TMEM52B: variants seen among roughly 807,000 people sequenced by gnomAD.
TMEM52B encodes the protein chromosome 12 open reading frame 59.
Under a neutral mutation model 16.1 loss-of-function variants are expected in TMEM52B, and 11 were observed. The observed-to-expected ratio is 0.68, with a 90% CI of 0.43 to 1.13. The LOEUF is 1.13. Ranked by LOEUF, TMEM52B falls within the 50% of genes most tolerant of loss-of-function variation. TMEM52B has a pLI of 0.00. For synonymous variants in TMEM52B, 101 were observed against 93.8 expected, an observed-to-expected ratio of 1.08 and a Z score of -0.45; for missense variants, 243 against 230.4, an observed-to-expected ratio of 1.05 and a Z score of -0.35.
upstream of TMEM52B, among the ~76,000 whole-genome samples, chr12:10,176,146 T>C (rs1948764108): frequency 6.6e-6 from 1 of 152,242 alleles, no homozygotes; most frequent in African/African-American, 2.4e-5. Context: ...CTGTCCAAAG[T>C]GTACTTCGTT....
In TMEM52B at chr12:10,190,140, A is replaced by T; in HGVS notation, c.552A>T (p.Ter184CysextTer1). ...CTCGAATAGTTGACTCTTGGAACTG[A>T]TGAGAGCTGTCATTTTATAAATAGG... is the stretch of plus-strand genomic sequence containing the variant. ...ESTRIVDSWN[*>C] The change falls in exon 5 of 5, where the codon TGA becomes TGT. Residue 184 changes from the stop codon to cysteine, a stop_lost. Coordinates refer to ENST00000543484, the MANE Select transcript of TMEM52B (RefSeq NM_001384896.1). 1 of 1,614,164 alleles carries T rather than the reference A, an allele frequency of 6.2e-7. No homozygotes were observed. The highest frequency in any genetic ancestry group is 8.5e-7 in the Non-Finnish European group (1 of 1,180,018).
chr12:10,176,496 C>G (rs1948766616), upstream of TMEM52B, among the ~76,000 whole-genome samples: 1 of 152,116 alleles, frequency 6.6e-6, no homozygotes, highest in Middle Eastern at 3.2e-3. Flanking sequence ...CAGGTGAAGG[C>G]TGGCGTGGTT....
chr12:10,191,177 G>C lies in TMEM52B; in HGVS notation c.*1037G>C, dbSNP rs528327185. 1 of 151,614 alleles carries C rather than the reference G, an allele frequency of 6.6e-6. No homozygotes were observed. Among genetic ancestry groups the C allele is most frequent in the Non-Finnish European group, 1.5e-5 (1 of 68,018 alleles). 9.4% of individuals were successfully genotyped at this position (151,614 alleles called of 1,614,324 possible). On this transcript the variant is annotated 3_prime_UTR_variant, in exon 5 of 5. Coordinates refer to ENST00000543484, the MANE Select transcript of TMEM52B (RefSeq NM_001384896.1). ...ATTATTGGAAAATCGAGGAAGTGAC[G>C]CACATTTAGGGAAAAACTACTCACC...
At chr12:10,176,321 A>G (rs543154482), upstream of TMEM52B, among the ~76,000 whole-genome samples, 6 of 152,194 alleles carry the variant, frequency 3.9e-5, no homozygotes, top group East Asian at 3.9e-4. Context: ...AAAAAAAAAA[A>G]GGGTAGTAAT....
At position 10,186,606 on chromosome 12, in the gene TMEM52B, T is replaced by G; in HGVS notation, c.307+17T>G. The G allele has an allele frequency of 6.5e-7, 1 of 1,539,074 alleles. No homozygotes were observed. Among genetic ancestry groups the G allele is most frequent in the Non-Finnish European group, 8.8e-7 (1 of 1,130,226 alleles). On this transcript the variant is annotated intron_variant, in intron 4 of 4. Transcript: ENST00000543484. Reference sequence around the variant, plus strand: ...CTATCACATGTGAGTACACTGAACTTTTAACCTGGGAGGAGGACCCAATTT... The same window carrying G: ...CTATCACATGTGAGTACACTGAACTGTTAACCTGGGAGGAGGACCCAATTT...
Position 10,190,281 on chromosome 12 carries a change from C to A in TMEM52B, c.*141C>A. 1 of 1,106,892 alleles carries A rather than the reference C, an allele frequency of 9.0e-7. No individual in the cohort carries two copies. The highest frequency in any genetic ancestry group is 1.3e-6 in the Non-Finnish European group (1 of 783,084). The allele number at this position is 1,106,892 out of a possible 1,614,324, so 68.6% of individuals were successfully genotyped here. ...TATGGGAAAGATGGTTCTTACTCTTCGTTCACAGGCCTTTATATCTTCCGA... is the reference window on the plus strand; with the variant it reads ...TATGGGAAAGATGGTTCTTACTCTTAGTTCACAGGCCTTTATATCTTCCGA... On this transcript the variant is annotated 3_prime_UTR_variant, in exon 5 of 5. Coordinates refer to ENST00000543484, the MANE Select transcript of TMEM52B (RefSeq NM_001384896.1).
At chr12:10,181,126 A>T (rs538548350) in intron 1 of TMEM52B, among the ~76,000 whole-genome samples, 2 of 152,036 alleles carry the variant, frequency 1.3e-5, no homozygotes, top group Non-Finnish European at 2.9e-5. Flanking sequence ...TTTTTGAAAG[A>T]GGAAGTCAAC....
chr12:10,182,078 T>C (rs2137548225), intron 1 of TMEM52B: 1 of 969,156 alleles, frequency 1.0e-6, no homozygotes, highest in Non-Finnish European at 1.2e-6. Flanking sequence ...GAGTGGCATC[T>C]AGTAGCTATT....
intron 2 of TMEM52B, among the ~76,000 whole-genome samples, chr12:10,184,702 G>T (rs1948860657): frequency 6.6e-6 from 1 of 152,064 alleles, no homozygotes; most frequent in Non-Finnish European, 1.5e-5. Context: ...AAATGTGATT[G>T]TATGACTTTC....
intron 1 of TMEM52B, 86 bp downstream of exon 1, chr12:10,179,714 G>T (rs1948800547): frequency 2.0e-6 from 3 of 1,527,134 alleles, no homozygotes; most frequent in South Asian, 1.1e-5. Flanking sequence ...ATGAACTGCG[G>T]GGTGGGGAGA....
chr12:10,175,570 T>C (rs1948759565), upstream of TMEM52B: 3 of 152,378 alleles, frequency 2.0e-5, no homozygotes, highest in African/African-American at 7.2e-5. Context: ...TAAAACATTC[T>C]ATGATAAACT....
At chr12:10,187,230 G>A (rs1395963518) in intron 4 of TMEM52B, among the ~76,000 whole-genome samples, 1 of 149,120 alleles carries the variant, frequency 6.7e-6, no homozygotes, top group African/African-American at 2.5e-5. Context: ...AGACTCCAGA[G>A]TAGCTGAGAT....
chr12:10,189,768 C>A, intron 4 of TMEM52B, 128 bp from the exon 5 acceptor site: 1 of 1,304,672 alleles, frequency 7.7e-7, no homozygotes, highest in South Asian at 1.5e-5. Flanking sequence ...AAATTTGGGG[C>A]AAGGAGTGAC....
At chr12:10,179,716 G>A (rs1282456459) in intron 1 of TMEM52B, 88 bp downstream of exon 1, 5 of 1,517,884 alleles carry the variant, frequency 3.3e-6, no homozygotes, top group Non-Finnish European at 4.6e-6. Context: ...GAACTGCGGG[G>A]TGGGGAGACA....
Position 10,179,517 on chromosome 12 carries a change from T to C in TMEM52B, c.-58T>C, listed in dbSNP as rs938015956. 1.9e-6 allele frequency: 3 copies of C among 1,579,896 alleles called. No homozygotes were observed. Among genetic ancestry groups the C allele is most frequent in the Non-Finnish European group, 1.7e-6 (2 of 1,148,942 alleles). On this transcript the variant is annotated 5_prime_UTR_variant, in exon 1 of 5. Coordinates refer to ENST00000543484, the MANE Select transcript of TMEM52B (RefSeq NM_001384896.1). ...AAGAAGTAAAATATGGCACAGAGCA[T>C]TGAAAGGAGGCAACGGATGCCCAGT...
At chr12:10,181,552 A>T (rs537884475) in intron 1 of TMEM52B, among the ~76,000 whole-genome samples, 1 of 149,202 alleles carries the variant, frequency 6.7e-6, no homozygotes, top group Non-Finnish European at 1.5e-5. Context: ...CTGGTCTCGA[A>T]CTCCTGACCT....
chr12:10,190,169 G>C lies in TMEM52B; in HGVS notation c.*29G>C. On this transcript the variant is annotated 3_prime_UTR_variant, in exon 5 of 5. Coordinates refer to ENST00000543484, the MANE Select transcript of TMEM52B (RefSeq NM_001384896.1). ...GAGCTGTCATTTTATAAATAGGAGTGGAGTGATGTCCAGAGTCTGTGGGAA... is the reference window on the plus strand; with the variant it reads ...GAGCTGTCATTTTATAAATAGGAGTCGAGTGATGTCCAGAGTCTGTGGGAA... 6.2e-7 allele frequency: 1 copy of C among 1,613,142 alleles called. No individual in the cohort carries two copies. Among genetic ancestry groups the C allele is most frequent in the Non-Finnish European group, 8.5e-7 (1 of 1,179,442 alleles).
At chr12:10,186,950 A>G (rs903382533) in intron 4 of TMEM52B, among the ~76,000 whole-genome samples, 48 of 152,124 alleles carry the variant, frequency 3.2e-4, no homozygotes, top group Admixed American at 2.2e-3. Flanking sequence ...TATTATCTAT[A>G]CTATTTTATA....
chr12:10,190,368 C>A lies in TMEM52B; in HGVS notation c.*228C>A. 3.8e-6 allele frequency: 2 copies of A among 521,804 alleles called. No individual in the cohort carries two copies. The highest frequency in any genetic ancestry group is 3.4e-6 in the Non-Finnish European group (1 of 292,878). The allele number at this position is 521,804 out of a possible 1,614,324, so 32.3% of individuals were successfully genotyped here. ...CCAATGGCCAAAATCTGCAAGTAATCTCTAGCCACACTGATTACTACTAAA... is the reference window on the plus strand; with the variant it reads ...CCAATGGCCAAAATCTGCAAGTAATATCTAGCCACACTGATTACTACTAAA... On this transcript the variant is annotated 3_prime_UTR_variant, in exon 5 of 5. Coordinates refer to ENST00000543484, the MANE Select transcript of TMEM52B (RefSeq NM_001384896.1).
Sources: allele counts gnomAD v4.1 joint callset (sites outside exome capture counted in the v4.1 genomes callset), GRCh38; gene constraint gnomAD v4.1.1; transcripts MANE v1.5; gene names NCBI Gene and HGNC (gene_info 2026-07-23, HGNC 2026-07-21).